GFRA3: variants seen among roughly 807,000 people sequenced by gnomAD.
GFRA3 encodes GDNF family receptor alpha-3.
In GFRA3, 24 loss-of-function variants were observed where a neutral mutation model predicts 40.0. The observed-to-expected ratio is 0.60, with a 90% CI of 0.43 to 0.84. GFRA3 has a LOEUF of 0.84. GFRA3 is among the 40% of genes least tolerant of loss of function. GFRA3 has a pLI of 0.00. For missense variants in GFRA3, 405 were observed against 530.6 expected (o/e 0.76, Z 2.33); for synonymous variants, 203 against 213.5 (o/e 0.95, Z 0.43).
At chr5:138,254,019 GC>G (rs1755589905) in intron 5 of GFRA3, 37 bp downstream of exon 5, 4 of 1,555,738 alleles carry the variant, frequency 2.6e-6, no homozygotes, top group Middle Eastern at 3.4e-4. Context: ...CTCAGGCCTA[GC>G]CAACATAGGG....
Position 138,257,666 on chromosome 5 carries a change from C to T in GFRA3, c.758G>A (p.Arg253His), listed in dbSNP as rs768188080. 1.9e-6 allele frequency: 3 copies of T among 1,609,094 alleles called. No individual in the cohort carries two copies. The highest frequency in any genetic ancestry group is 1.7e-6 in the Non-Finnish European group (2 of 1,178,920). The change falls in exon 4 of 8, where the codon CGC becomes CAC. Residue 253 changes from arginine (R) to histidine (H), a missense_variant. Transcript: ENST00000274721. ...GCAAAGCGGGTCGGAGAAGCAGAGG[C>T]GCCGCAGCTCCAGGCAGTTGGGGGC... ...PVAPNCLELR[R>H]LCFSDPLCRS...
chr5:138,254,981 G>A (rs535324286), intron 4 of GFRA3, among the ~76,000 whole-genome samples: 2 of 149,338 alleles, frequency 1.3e-5, no homozygotes, highest in African/African-American at 4.9e-5. Flanking sequence ...GAGAAGAGAA[G>A]GAGAAAAGAG....
At position 138,264,478 on chromosome 5, in the gene GFRA3, A is replaced by G. The variant is rs757529128; in HGVS notation, c.162T>C (p.Asp54=). 1 of 1,613,448 alleles carries G rather than the reference A, an allele frequency of 6.2e-7. No homozygotes were observed. Among genetic ancestry groups the G allele is most frequent in the Non-Finnish European group, 8.5e-7 (1 of 1,179,448 alleles). Residue 54 remains aspartate, a synonymous_variant, in exon 2 of 8, where the codon GAT becomes GAC. Transcript: ENST00000274721. The stretch of plus-strand genomic sequence containing the variant: ...GGTGGTAGGCAGCACTGCAGGTGGG[A>G]TCAGCCTGGCACTTCCTCCTGGCCT... ...CLQARRKCQA[D]PTCSAAYHHL...
In GFRA3 at chr5:138,252,853, T is replaced by C. The variant is rs1387539957; in HGVS notation, c.*115A>G. The C allele has an allele frequency of 3.1e-6, 2 of 637,142 alleles. No homozygotes were observed. The highest frequency in any genetic ancestry group is 1.8e-5 in the African/African-American group (1 of 54,986). The allele number at this position is 637,142 out of a possible 1,614,324, so 39.5% of individuals were successfully genotyped here. On this transcript the variant is annotated 3_prime_UTR_variant, in exon 8 of 8. Coordinates refer to ENST00000274721, the MANE Select transcript of GFRA3 (RefSeq NM_001496.4). ...GGAGGTCATAACCCTTAGCTTCTCC[T>C]GTGCCCTCATCTGCGCACTGCACCT... is the stretch of plus-strand genomic sequence containing the variant.
rs1755565883 is a variant in GFRA3, at chr5:138,252,704, A to T, written c.*264T>A. The T allele has an allele frequency of 5.7e-6, 2 of 351,474 alleles. No homozygotes were observed. Among genetic ancestry groups the T allele is most frequent in the Non-Finnish European group, 1.0e-5 (2 of 191,072 alleles). 21.8% of individuals were successfully genotyped at this position (351,474 alleles called of 1,614,324 possible). A position where few individuals can be genotyped will look rare whatever the true frequency, so the allele number is the denominator to read the frequency against. ...TGGTAGTCAAGAGGAAGGGCTCAGA[A>T]AGGGGCTTGGTGGAGCTGGTCACCA... is the stretch of plus-strand genomic sequence containing the variant. On this transcript the variant is annotated 3_prime_UTR_variant, in exon 8 of 8. Coordinates refer to ENST00000274721, the MANE Select transcript of GFRA3 (RefSeq NM_001496.4).
intron 7 of GFRA3, 37 bp downstream of exon 7, chr5:138,253,250 A>T: frequency 7.3e-7 from 1 of 1,375,202 alleles, no homozygotes; most frequent in Non-Finnish European, 1.0e-6. Context: ...CAGCCGGCCC[A>T]GTAAAGGTCT....
chr5:138,266,076 T>C (rs558077511), intron 1 of GFRA3, among the ~76,000 whole-genome samples: 3 of 152,244 alleles, frequency 2.0e-5, no homozygotes, highest in South Asian at 2.1e-4. Flanking sequence ...CTTCAGTTAA[T>C]GGACACTTGG....
chr5:138,259,410 C>T (rs772905931), intron 3 of GFRA3, 147 bp downstream of exon 3: 4 of 648,538 alleles, frequency 6.2e-6, no homozygotes, highest in South Asian at 1.7e-5. Context: ...AGAGCTCACA[C>T]TTCCAGCCTG....
chr5:138,257,978 C>A, intron 3 of GFRA3, 27 bp from the exon 4 acceptor site: 1 of 1,600,190 alleles, frequency 6.2e-7, no homozygotes, highest in South Asian at 1.1e-5. Context: ...CGGAGTCAGT[C>A]GGCTGGGCCC....
intron 1 of GFRA3, among the ~76,000 whole-genome samples, chr5:138,269,344 T>C (rs1287994851): frequency 1.3e-5 from 2 of 151,588 alleles, no homozygotes; most frequent in African/African-American, 2.4e-5. Context: ...AAGACCAGCC[T>C]GGCCAACACT....
intron 2 of GFRA3, 70 bp downstream of exon 2, chr5:138,264,191 T>C: frequency 8.7e-7 from 1 of 1,145,206 alleles, no homozygotes; most frequent in Non-Finnish European, 1.3e-6. Context: ...GCCCATATCC[T>C]GCAGGATTAA....
intron 7 of GFRA3, 102 bp downstream of exon 7, chr5:138,253,185 T>C (rs1379000558): frequency 3.4e-6 from 3 of 874,888 alleles, no homozygotes; most frequent in African/African-American, 3.3e-5. Context: ...TTCAGGGCAA[T>C]GAGGAGGTCA....
In GFRA3 at chr5:138,253,011, A is replaced by T; in HGVS notation, c.1160T>A (p.Phe387Tyr). Residue 387 changes from phenylalanine (F) to tyrosine (Y), a missense_variant, in exon 8 of 8, where the codon TTC (phenylalanine) becomes TAC (tyrosine). Phe to Tyr is a conservative substitution (Grantham distance 22). Coordinates refer to ENST00000274721, the MANE Select transcript of GFRA3 (RefSeq NM_001496.4). ...CAGAATCAAGGGAAGCGTGCAGGAG[A>T]AAAGAGAGGGCACCCAGGGCTGTGG... is the stretch of plus-strand genomic sequence containing the variant. ...VRPQPWVPSLFSCTLPLILLL... is the reference protein window; with the variant it reads ...VRPQPWVPSLYSCTLPLILLL... The T allele has an allele frequency of 2.5e-6, 4 of 1,610,388 alleles. No individual in the cohort carries two copies. The highest frequency in any genetic ancestry group is 3.4e-6 in the Non-Finnish European group (4 of 1,176,846).
At chr5:138,253,416 C>T in intron 6 of GFRA3, 41 bp from the exon 7 acceptor site, 1 of 1,256,344 alleles carries the variant, frequency 8.0e-7, no homozygotes, top group Non-Finnish European at 1.1e-6. Context: ...GGTATGGGGG[C>T]AGGAGATTTC....
intron 3 of GFRA3, 151 bp from the exon 4 acceptor site, chr5:138,258,102 C>T (rs915113601): frequency 1.5e-6 from 1 of 666,060 alleles, no homozygotes; most frequent in East Asian, 2.8e-5. Context: ...CACTCCTAAT[C>T]CAGGGCTTCC....
intron 3 of GFRA3, among the ~76,000 whole-genome samples, chr5:138,258,166 C>CTTT (rs66792829): frequency 0.041 from 2,093 of 51,560 alleles, 435 homozygotes; most frequent in Middle Eastern, 0.087. Context: ...CCCTACTCCT[C>CTTT]TTTTTTTTTT....
intron 4 of GFRA3, among the ~76,000 whole-genome samples, chr5:138,256,230 T>TA (rs35302809): frequency 0.39 from 40,996 of 106,272 alleles, 6,882 homozygotes; most frequent in Admixed American, 0.48. Context: ...GACTCCGTCT[T>TA]AAAAAAAAAA....
intron 2 of GFRA3, among the ~76,000 whole-genome samples, chr5:138,262,700 C>T (rs748778207): frequency 2.1e-4 from 32 of 151,912 alleles, no homozygotes; most frequent in East Asian, 1.6e-3. Context: ...GGGATACTCC[C>T]GCCTTGGCCT....
chr5:138,255,424 ATTTTGTAAGTG>A (rs1755612694), intron 4 of GFRA3, among the ~76,000 whole-genome samples: 1 of 152,194 alleles, frequency 6.6e-6, no homozygotes, highest in South Asian at 2.1e-4. Context: ...GATAGCTTCA[ATTTTGTAAGTG>A]TTTTGTCCTG....
Sources: allele counts gnomAD v4.1 joint callset (sites outside exome capture counted in the v4.1 genomes callset), GRCh38; gene constraint gnomAD v4.1.1; transcripts MANE v1.5; gene names NCBI Gene and HGNC (gene_info 2026-07-23, HGNC 2026-07-21).